GCH1: variants seen among roughly 807,000 people sequenced by gnomAD.
GCH1 encodes GTP cyclohydrolase I.
In GCH1, 5 loss-of-function variants were observed where a neutral mutation model predicts 25.9. The observed-to-expected ratio is 0.19, with a 90% confidence interval of 0.10 to 0.41. The LOEUF (loss-of-function observed/expected upper bound fraction) is 0.41, where lower values mean the gene tolerates loss of function less well. Among genes scored for constraint, GCH1 ranks in the 10% least tolerant of loss-of-function variants. The probability of loss-of-function intolerance (pLI) is 1.00; values close to 1 mark genes in which losing one functional copy is unlikely to be tolerated. For synonymous variants in GCH1, 159 were observed against 129.6 expected (o/e 1.23, Z -1.54); for missense variants, 261 against 336.5 (o/e 0.78, Z 1.75).
intron 3 of GCH1, among the ~76,000 whole-genome samples, chr14:54,858,285 CTTTTA>C (rs2039842950): frequency 1.3e-5 from 2 of 152,136 alleles, no homozygotes; most frequent in Admixed American, 1.3e-4. Context: ...TATTCCTCTT[CTTTTA>C]TTTTTATTTT....
intron 1 of GCH1, among the ~76,000 whole-genome samples, chr14:54,881,428 G>A (rs1435532970): frequency 6.6e-6 from 1 of 152,088 alleles, no homozygotes; most frequent in African/African-American, 2.4e-5. Context: ...CTACAAGTAA[G>A]AGCATGTTAA....
Position 54,883,683 on chromosome 14 carries a change from A to C in GCH1, c.344-18247T>G, listed in dbSNP as rs1017454943. Among the ~76,000 whole-genome samples the C allele has an allele frequency of 5.9e-5, 9 of 152,174 alleles. No homozygotes were observed. The East Asian group carries it at 1.7e-3, about 29-fold the overall frequency. On this transcript the variant is annotated intron_variant, in intron 1 of 5. Transcript: ENST00000491895. ...GACAGAGCAAGATTCTGTCTCAAAA[A>C]AATAAATAAATAAAAAGAAAAGAGA...
chr14:54,886,250 A>T (rs1024270178), intron 1 of GCH1: 18 of 152,736 alleles, frequency 1.2e-4, no homozygotes, highest in African/African-American at 4.3e-4. Context: ...CTTGGACAGC[A>T]TTTTTCAAAT....
In GCH1 at chr14:54,843,650, C is replaced by A; in HGVS notation, c.*367G>T. The A allele has an allele frequency of 6.4e-7, 1 of 1,555,472 alleles. No individual in the cohort carries two copies. Among genetic ancestry groups the A allele is most frequent in the South Asian group, 1.2e-5 (1 of 80,602 alleles). ...AAGAAAAAAAACAGTATACTGGGCA[C>A]AGTTCCCTCTCATTCCCAATGCTCC... On this transcript the variant is annotated 3_prime_UTR_variant, in exon 6 of 6. Coordinates refer to ENST00000491895, the MANE Select transcript of GCH1 (RefSeq NM_000161.3).
chr14:54,844,893 T>C (rs1193895808), intron 5 of GCH1, among the ~76,000 whole-genome samples: 6 of 152,198 alleles, frequency 3.9e-5, no homozygotes, highest in African/African-American at 1.2e-4. Flanking sequence ...AAAATGGCTA[T>C]TGGCGTGGTG....
intron 2 of GCH1, among the ~76,000 whole-genome samples, chr14:54,861,711 G>A (rs4462519): frequency 0.44 from 65,520 of 148,046 alleles, 16,056 homozygotes; most frequent in African/African-American, 0.67. Flanking sequence ...CAACAAGAGC[G>A]AAACTGTCTC....
At chr14:54,859,964 A>C (rs1385036878) in intron 2 of GCH1, among the ~76,000 whole-genome samples, 1 of 152,242 alleles carries the variant, frequency 6.6e-6, no homozygotes, top group East Asian at 1.9e-4. Flanking sequence ...GTATGAGTCT[A>C]TTAATCAAAT....
At position 54,867,589 on chromosome 14, in the gene GCH1, C is replaced by CAAAAAAAAAAAAA. The variant is rs1029899399; in HGVS notation, c.344-2166_344-2154dup. Among the ~76,000 whole-genome samples, 68 of 46,646 alleles carry CAAAAAAAAAAAAA rather than the reference C, an allele frequency of 1.5e-3. 1 individual carries two copies. The highest frequency in any genetic ancestry group is 2.0e-3 in the Non-Finnish European group (50 of 25,462). 30.6% of individuals were successfully genotyped at this position (46,646 alleles called of 152,430 possible). A position where few individuals can be genotyped will look rare whatever the true frequency, so the allele number is the denominator to read the frequency against. On this transcript the variant is annotated intron_variant, in intron 1 of 5. Transcript: ENST00000491895. ...GGCAAGAGAGAACAAGACTCCGTCT[C>CAAAAAAAAAAAAA]AAAAAAAAAAAAAAAAAAAAAAAAA...
At chr14:54,864,190 A>C (rs982611050) in intron 2 of GCH1, among the ~76,000 whole-genome samples, 3 of 152,180 alleles carry the variant, frequency 2.0e-5, no homozygotes, top group Non-Finnish European at 4.4e-5. Flanking sequence ...TGAAGTGGTA[A>C]GGAACACCCT....
At chr14:54,851,836 C>T (rs1461556353) in intron 3 of GCH1, among the ~76,000 whole-genome samples, 7 of 152,214 alleles carry the variant, frequency 4.6e-5, no homozygotes. Context: ...GGATCTAGAA[C>T]TAGAAATACC....
At chr14:54,879,506 TAC>T (rs1486757136) in intron 1 of GCH1, among the ~76,000 whole-genome samples, 5 of 150,756 alleles carry the variant, frequency 3.3e-5, no homozygotes, top group African/African-American at 1.2e-4. Context: ...GAAGAACAAT[TAC>T]ACAGTTTGGG....
At position 54,880,704 on chromosome 14, in the gene GCH1, CTCCATATATATATACTCAT is replaced by C. The variant is rs2040249513; in HGVS notation, c.344-15287_344-15269del. Among the ~76,000 whole-genome samples, 22 of 21,030 alleles carry C rather than the reference CTCCATATATATATACTCAT, an allele frequency of 1.0e-3. 1 individual carries two copies. The highest frequency in any genetic ancestry group is 1.9e-3 in the East Asian group (1 of 520). The allele number at this position is 21,030 out of a possible 152,430, so 13.8% of individuals were successfully genotyped here. On this transcript the variant is annotated intron_variant, in intron 1 of 5. Transcript: ENST00000491895. ...ATATATATATACTCATATATATATA[CTCCATATATATATACTCAT>C]ATATATATATATACTCCATATATAT... is the stretch of plus-strand genomic sequence containing the variant.
intron 1 of GCH1, among the ~76,000 whole-genome samples, chr14:54,896,732 G>A (rs2040489082): frequency 6.6e-6 from 1 of 150,908 alleles, no homozygotes; most frequent in East Asian, 2.0e-4. Flanking sequence ...CTAACACGGT[G>A]AAACCCCATC....
At chr14:54,866,233 G>A (rs908727051) in intron 1 of GCH1, among the ~76,000 whole-genome samples, 1 of 151,904 alleles carries the variant, frequency 6.6e-6, no homozygotes, top group Admixed American at 6.6e-5. Flanking sequence ...CCTAACATTC[G>A]GTGACTGCAA....
Position 54,844,159 on chromosome 14 carries a change from A to G in GCH1, c.627-16T>C. ...ACACATGTGTCTACAAAATAAGGCA[A>G]CACAGGTTGTTTAAAGGAGTAGACA... On this transcript the variant is annotated splice_polypyrimidine_tract_variant and intron_variant, in intron 5 of 5. Transcript: ENST00000491895. 1.3e-6 allele frequency: 2 copies of G among 1,588,222 alleles called. No homozygotes were observed. Among genetic ancestry groups the G allele is most frequent in the Non-Finnish European group, 1.7e-6 (2 of 1,156,432 alleles).
At chr14:54,852,420 C>T (rs1375281954) in intron 3 of GCH1, among the ~76,000 whole-genome samples, 2 of 152,196 alleles carry the variant, frequency 1.3e-5, no homozygotes. Flanking sequence ...AAGGCAGGAA[C>T]TGACCCTGGA....
chr14:54,851,394 C>T (rs2140050709), intron 3 of GCH1, among the ~76,000 whole-genome samples: 1 of 152,256 alleles, frequency 6.6e-6, no homozygotes, highest in South Asian at 2.1e-4. Context: ...AACTAAAGAG[C>T]TTCTGCACAG....
intron 1 of GCH1, among the ~76,000 whole-genome samples, chr14:54,879,138 C>T (rs1208908586): frequency 1.3e-5 from 2 of 152,094 alleles, no homozygotes; most frequent in Non-Finnish European, 2.9e-5. Flanking sequence ...TAAGAATTTT[C>T]AGCTGGGCAC....
intron 1 of GCH1, among the ~76,000 whole-genome samples, chr14:54,888,341 G>A (rs2040379844): frequency 6.6e-6 from 1 of 152,074 alleles, no homozygotes; most frequent in Non-Finnish European, 1.5e-5. Context: ...GCCCACCCAT[G>A]CTCAGAGACC....
Sources: gnomAD v4.1 joint callset for allele counts (sites outside exome capture counted in the v4.1 genomes callset) on GRCh38, gnomAD v4.1.1 for gene constraint, MANE v1.5 for transcripts, NCBI Gene and HGNC (gene_info 2026-07-23, HGNC 2026-07-21) for gene names.